Variants in COL9A3 observed in about 807,000 individuals in gnomAD.
COL9A3 encodes the protein collagen alpha-3(IX) chain.
Under a neutral mutation model 110.2 loss-of-function variants are expected in COL9A3, and 82 were observed. That is an observed-to-expected ratio of 0.74 (90% CI 0.62 to 0.89). COL9A3 has a LOEUF of 0.89. COL9A3 is among the 40% of genes least tolerant of loss of function. The pLI, the probability that COL9A3 is intolerant of heterozygous loss-of-function variation, is 0.00. For missense variants in COL9A3, 1,066 were observed against 981.3 expected (o/e 1.09, Z -1.15); for synonymous variants, 494 against 403.8 (o/e 1.22, Z -2.68).
chr20:62,840,701 T>A lies in COL9A3; in HGVS notation c.2024T>A (p.Val675Asp). ...TGCCAAGGAGCCGTGTTAGGAGGGGTCGGGGAGAAATCAGGCTCTCGAAGC... is the reference window on the plus strand; with the variant it reads ...TGCCAAGGAGCCGTGTTAGGAGGGGACGGGGAGAAATCAGGCTCTCGAAGC... ...SACQGAVLGG[V>D]GEKSGSRSS Residue 675 changes from valine to aspartate, a missense_variant, in exon 32 of 32, where the codon GTC becomes GAC. Val to Asp is a radical substitution (Grantham distance 152). Coordinates refer to ENST00000649368, the MANE Select transcript of COL9A3 (RefSeq NM_001853.4). 6.3e-7 allele frequency: 1 copy of A among 1,590,692 alleles called. No individual in the cohort carries two copies. Among genetic ancestry groups the A allele is most frequent in the Non-Finnish European group, 8.6e-7 (1 of 1,168,610 alleles).
At chr20:62,833,279 C>T (rs544219494) in intron 26 of COL9A3, among the ~76,000 whole-genome samples, 10 of 152,254 alleles carry the variant, frequency 6.6e-5, no homozygotes, top group Non-Finnish European at 1.2e-4. Flanking sequence ...GGAAACTCAG[C>T]GGCTCTGGAG....
intron 4 of COL9A3, 65 bp downstream of exon 4, chr20:62,819,358 C>T: frequency 1.4e-6 from 2 of 1,466,666 alleles, no homozygotes; most frequent in South Asian, 1.2e-5. Flanking sequence ...AGGAGTCCGG[C>T]CCTAATTGCT....
chr20:62,838,872 G>C (rs909331925), intron 31 of COL9A3, 111 bp downstream of exon 31: 1 of 868,624 alleles, frequency 1.2e-6, no homozygotes, highest in African/African-American at 1.7e-5. Flanking sequence ...CTCTTCTCTT[G>C]GCAAAGCAGT....
chr20:62,833,635 C>A (rs939600027), intron 26 of COL9A3, among the ~76,000 whole-genome samples: 1 of 151,926 alleles, frequency 6.6e-6, no homozygotes, highest in Non-Finnish European at 1.5e-5. Flanking sequence ...CATCTCCTGA[C>A]CTCGTGATCA....
intron 19 of COL9A3, 76 bp downstream of exon 19, chr20:62,829,052 G>A (rs1296732549): frequency 4.0e-6 from 6 of 1,498,784 alleles, no homozygotes; most frequent in African/African-American, 1.4e-5. Flanking sequence ...TGGGCTGGGT[G>A]GGTTGGTCAC....
chr20:62,832,724 C>A, intron 25 of COL9A3: 1 of 358,090 alleles, frequency 2.8e-6, no homozygotes. Context: ...AGGCACAAGG[C>A]CTTTCCATAC....
chr20:62,818,440 C>G, intron 2 of COL9A3, 78 bp from the exon 3 acceptor site: 2 of 1,400,742 alleles, frequency 1.4e-6, no homozygotes, highest in Non-Finnish European at 2.0e-6. Context: ...TGGAGGCCAG[C>G]GCTGCTCTTT....
intron 14 of COL9A3, 124 bp from the exon 15 acceptor site, chr20:62,826,643 G>A (rs2063555610): frequency 2.9e-6 from 3 of 1,033,574 alleles, no homozygotes; most frequent in Non-Finnish European, 4.4e-6. Context: ...GGCATCTTGG[G>A]GGAACTTGCT....
intron 5 of COL9A3, 74 bp downstream of exon 5, chr20:62,820,056 TC>T: frequency 6.5e-7 from 1 of 1,528,796 alleles, no homozygotes; most frequent in Non-Finnish European, 9.0e-7. Context: ...CTGCTCTGTG[TC>T]CACAAGGCCA....
At chr20:62,826,084 A>T in intron 13 of COL9A3, 120 bp from the exon 14 acceptor site, 1 of 1,199,280 alleles carries the variant, frequency 8.3e-7, no homozygotes, top group Non-Finnish European at 1.2e-6. Context: ...ACCTGAGCTG[A>T]GGCTGAGGGC....
intron 31 of COL9A3, 72 bp downstream of exon 31, chr20:62,838,833 G>A (rs1404200993): frequency 3.1e-6 from 4 of 1,275,844 alleles, no homozygotes; most frequent in East Asian, 5.0e-5. Context: ...TATGTGGGGC[G>A]TGCTTGGGTT....
chr20:62,825,347 G>T, intron 12 of COL9A3: 1 of 332,794 alleles, frequency 3.0e-6, no homozygotes, highest in South Asian at 3.9e-5. Context: ...GAAGCTCCCT[G>T]GTTTGTGTCT....
At chr20:62,828,672 T>A in intron 17 of COL9A3, 92 bp from the exon 18 acceptor site, 1 of 1,411,444 alleles carries the variant, frequency 7.1e-7, no homozygotes, top group Non-Finnish European at 9.9e-7. Flanking sequence ...CAGTTTTAGG[T>A]TGATGGGGAA....
chr20:62,830,657 CATGA>C (rs1568759163), intron 24 of COL9A3, 69 bp downstream of exon 24: 9,130 of 896,822 alleles, frequency 0.01, 4,486 homozygotes, highest in Non-Finnish European at 0.013. Flanking sequence ...CCCCCACCCC[CATGA>C]CAGTCCCCCA....
Position 62,836,552 on chromosome 20 carries a change from C to T in COL9A3, c.1603+20C>T, listed in dbSNP as rs201086192. On this transcript the variant is annotated intron_variant, in intron 29 of 31. Coordinates refer to ENST00000649368, the MANE Select transcript of COL9A3 (RefSeq NM_001853.4). The stretch of plus-strand genomic sequence containing the variant: ...TCAGCGGTAAGTCAGCCACGTGCAC[C>T]GGCTGCAGCGGGGCCCATCCCCGCC... The T allele has an allele frequency of 8.8e-5, 141 of 1,594,646 alleles. No individual in the cohort carries two copies. Among genetic ancestry groups the T allele is most frequent in the African/African-American group, 4.2e-4 (31 of 74,498 alleles).
At chr20:62,828,062 C>A in intron 17 of COL9A3, 86 bp downstream of exon 17, 1 of 1,355,258 alleles carries the variant, frequency 7.4e-7, no homozygotes, top group Non-Finnish European at 1.0e-6. Flanking sequence ...AGGGCTGGAG[C>A]TCAGTGCCCT....
Position 62,840,951 on chromosome 20 carries a change from C to T in COL9A3, c.*219C>T. 1 of 579,580 alleles carries T rather than the reference C, an allele frequency of 1.7e-6. No individual in the cohort carries two copies. The highest frequency in any genetic ancestry group is 3.1e-6 in the Non-Finnish European group (1 of 320,552). 35.9% of individuals were successfully genotyped at this position (579,580 alleles called of 1,614,324 possible). A position where few individuals can be genotyped will look rare whatever the true frequency, so the allele number is the denominator to read the frequency against. ...GCCCTAGCTAATAAACCTGTAAGCC[C>T]AGCATTTGAGAGAAGGTAGGGTGTG... On this transcript the variant is annotated 3_prime_UTR_variant, in exon 32 of 32. Coordinates refer to ENST00000649368, the MANE Select transcript of COL9A3 (RefSeq NM_001853.4).
chr20:62,821,852 T>C, intron 8 of COL9A3, 42 bp downstream of exon 8: 1 of 1,225,620 alleles, frequency 8.2e-7, no homozygotes, highest in Non-Finnish European at 1.2e-6. Flanking sequence ...TGCTCACCTG[T>C]GGCCTCCACC....
Position 62,819,209 on chromosome 20 carries a change from T to A in COL9A3, c.184-13T>A. ...ACCCCGCCTTCACATCTCTGCCCTT[T>A]CCTCCTGCACAGGGACCAAAGGGGG... On this transcript the variant is annotated splice_polypyrimidine_tract_variant and intron_variant, in intron 3 of 31. Transcript: ENST00000649368. The A allele has an allele frequency of 6.2e-7, 1 of 1,612,398 alleles. No individual in the cohort carries two copies. The highest frequency in any genetic ancestry group is 8.5e-7 in the Non-Finnish European group (1 of 1,179,768).
Sources: gnomAD v4.1 joint callset for allele counts (sites outside exome capture counted in the v4.1 genomes callset) on GRCh38, gnomAD v4.1.1 for gene constraint, MANE v1.5 for transcripts, NCBI Gene and HGNC (gene_info 2026-07-23, HGNC 2026-07-21) for gene names.